RELN: variants seen among roughly 807,000 people sequenced by gnomAD.
RELN encodes reelin.
RELN carries 108 observed loss-of-function variants against 427.6 expected under a neutral mutation model. The ratio of observed to expected loss-of-function variants is 0.25; its 90% CI spans 0.22 to 0.30. RELN has a LOEUF of 0.30. Among genes scored for constraint, RELN ranks in the 10% least tolerant of loss-of-function variants. The pLI, the probability that RELN is intolerant of heterozygous loss-of-function variation, is 1.00. For synonymous variants in RELN, 1,524 were observed against 1,513.4 expected, an observed-to-expected ratio of 1.01 and a Z score of -0.16; for missense variants, 3,715 against 4,302.8, an observed-to-expected ratio of 0.86 and a Z score of 3.82.
At chr7:103,579,965 A>T (rs1405090621) in intron 28 of RELN, among the ~76,000 whole-genome samples, 8 of 152,212 alleles carry the variant, frequency 5.3e-5, no homozygotes, top group Non-Finnish European at 1.2e-4. Context: ...AGCAGGCTAC[A>T]TAGCATATTG....
intron 3 of RELN, among the ~76,000 whole-genome samples, chr7:103,817,370 G>A (rs262365): frequency 0.51 from 77,291 of 151,966 alleles, 19,930 homozygotes; most frequent in Admixed American, 0.6. Flanking sequence ...CAGATACCCA[G>A]AAGAGGAGGA....
chr7:103,659,490 T>C (rs1258132049), intron 12 of RELN, among the ~76,000 whole-genome samples: 1 of 152,160 alleles, frequency 6.6e-6, no homozygotes, highest in Non-Finnish European at 1.5e-5. Flanking sequence ...CCCAAACATA[T>C]GACATACCTT....
chr7:103,827,419 T>C (rs533885962), intron 3 of RELN, among the ~76,000 whole-genome samples: 1 of 152,178 alleles, frequency 6.6e-6, no homozygotes, highest in East Asian at 1.9e-4. Context: ...TGTTGTACAA[T>C]TAATATAACA....
chr7:103,749,582 G>T, intron 5 of RELN, 78 bp from the exon 6 acceptor site: 1 of 1,024,290 alleles, frequency 9.8e-7, no homozygotes, highest in East Asian at 2.4e-5. Context: ...CCAACATGCT[G>T]TATTTATGAA....
chr7:103,840,315 G>A (rs1031017065), intron 2 of RELN, among the ~76,000 whole-genome samples: 1 of 152,120 alleles, frequency 6.6e-6, no homozygotes, highest in Non-Finnish European at 1.5e-5. Context: ...ACTGGAACTG[G>A]GTCTTAAAGA....
chr7:103,768,753 A>G (rs1791490164), intron 4 of RELN, among the ~76,000 whole-genome samples: 2 of 152,200 alleles, frequency 1.3e-5, no homozygotes, highest in African/African-American at 2.4e-5. Context: ...TAATCATGAC[A>G]CAACAGAGAC....
At chr7:103,715,223 A>G (rs990908156) in intron 8 of RELN, among the ~76,000 whole-genome samples, 1 of 152,342 alleles carries the variant, frequency 6.6e-6, no homozygotes, top group South Asian at 2.1e-4. Flanking sequence ...CTAAAAATGG[A>G]TATTAAGGAT....
intron 60 of RELN, 147 bp downstream of exon 60, chr7:103,489,595 T>A: frequency 1.1e-6 from 1 of 934,628 alleles, no homozygotes; most frequent in East Asian, 2.6e-5. Context: ...TGTCCCAAAG[T>A]TAAAGAGTGA....
intron 63 of RELN, among the ~76,000 whole-genome samples, chr7:103,480,701 T>C (rs1828203065): frequency 1.3e-5 from 2 of 152,344 alleles, no homozygotes; most frequent in African/African-American, 4.8e-5. Flanking sequence ...AGAGACTGCA[T>C]TTGCTTTTGA....
At chr7:103,966,469 G>A (rs910045938) in intron 1 of RELN, among the ~76,000 whole-genome samples, 5 of 152,286 alleles carry the variant, frequency 3.3e-5, no homozygotes, top group Non-Finnish European at 7.3e-5. Context: ...TCCACACAGA[G>A]GTGGTCCAGG....
chr7:103,554,832 C>T (rs140463618), intron 38 of RELN, among the ~76,000 whole-genome samples: 2,972 of 152,142 alleles, frequency 0.02, 76 homozygotes, highest in Admixed American at 0.067. Context: ...GACTTAGAGC[C>T]GAGGAACACT....
chr7:103,713,710 C>T (rs915360008), intron 8 of RELN, among the ~76,000 whole-genome samples: 5 of 145,284 alleles, frequency 3.4e-5, no homozygotes, highest in South Asian at 2.2e-4. Flanking sequence ...CAGTATTATT[C>T]ACTAGGGAGA....
intron 30 of RELN, 50 bp downstream of exon 30, chr7:103,574,042 T>C: frequency 7.4e-7 from 1 of 1,356,006 alleles, no homozygotes; most frequent in Admixed American, 1.7e-5. Flanking sequence ...GACTACATCG[T>C]GTGGTAAATA....
chr7:103,606,102 C>T (rs1288366339), intron 22 of RELN, among the ~76,000 whole-genome samples: 4 of 152,118 alleles, frequency 2.6e-5, no homozygotes, highest in South Asian at 2.1e-4. Context: ...ACAGAATAGA[C>T]GTAAATAAGA....
At chr7:103,630,998 T>C (rs1158633965) in intron 19 of RELN, among the ~76,000 whole-genome samples, 1 of 152,072 alleles carries the variant, frequency 6.6e-6, no homozygotes, top group Admixed American at 6.6e-5. Flanking sequence ...GGATTGGCTT[T>C]CATATTTTTA....
intron 31 of RELN, among the ~76,000 whole-genome samples, chr7:103,570,210 CT>C (rs1487109832): frequency 6.6e-6 from 1 of 152,172 alleles, no homozygotes; most frequent in Non-Finnish European, 1.5e-5. Context: ...GAAAATAGCA[CT>C]TGTAAACAGA....
chr7:103,758,707 A>G (rs532445067), intron 4 of RELN, among the ~76,000 whole-genome samples: 21 of 149,656 alleles, frequency 1.4e-4, no homozygotes, highest in African/African-American at 4.9e-4. Flanking sequence ...TTCATACTAG[A>G]TAAGTAAATA....
intron 10 of RELN, among the ~76,000 whole-genome samples, chr7:103,695,457 T>C (rs1833958516): frequency 6.6e-6 from 1 of 152,008 alleles, no homozygotes; most frequent in Non-Finnish European, 1.5e-5. Context: ...GGAAAGCTTA[T>C]GAGTAGGATG....
chr7:103,730,789 C>A (rs1338964800), intron 6 of RELN, among the ~76,000 whole-genome samples: 6 of 152,162 alleles, frequency 3.9e-5, no homozygotes, highest in Non-Finnish European at 8.8e-5. Context: ...TTCTCACAGT[C>A]TGACTGGGTT....
Sources: gnomAD v4.1 joint callset for allele counts (sites outside exome capture counted in the v4.1 genomes callset) on GRCh38, gnomAD v4.1.1 for gene constraint, MANE v1.5 for transcripts, NCBI Gene and HGNC (gene_info 2026-07-23, HGNC 2026-07-21) for gene names.